The following GMPS variants were observed in gnomAD, a reference collection of about 807,000 sequenced individuals.
GMPS encodes the protein GMP synthase [glutamine-hydrolyzing].
GMPS carries 15 observed loss-of-function variants against 77.9 expected under a neutral mutation model. That is an observed-to-expected ratio of 0.19 (90% CI 0.13 to 0.30). The LOEUF (loss-of-function observed/expected upper bound fraction) is 0.30, where lower values mean the gene tolerates loss of function less well. Among genes scored for constraint, GMPS ranks in the 10% least tolerant of loss-of-function variants. The probability of loss-of-function intolerance (pLI) is 1.00; values close to 1 mark genes in which losing one functional copy is unlikely to be tolerated. For missense variants in GMPS, 590 were observed against 838.8 expected, an observed-to-expected ratio of 0.70 and a Z score of 3.66; for synonymous variants, 224 against 275.9, an observed-to-expected ratio of 0.81 and a Z score of 1.86.
chr3:155,919,931 T>C lies in GMPS; in HGVS notation c.1318+593T>C, dbSNP rs140467449. 3.6e-3 allele frequency among the ~76,000 whole-genome samples: 553 copies of C among 152,274 alleles called. 16 individuals carry two copies. Among genetic ancestry groups the C allele is most frequent in the Admixed American group, 0.029 (441 of 15,294 alleles). On this transcript the variant is annotated intron_variant, in intron 10 of 15. Transcript: ENST00000496455. ...GTTTTTGTTACTAGTTCTTGAGAGG[T>C]TGGGCAAGTCTGTACATCAGGTTCT...
At chr3:155,934,672 C>T (rs1243623723) in intron 13 of GMPS, among the ~76,000 whole-genome samples, 2 of 152,290 alleles carry the variant, frequency 1.3e-5, no homozygotes, top group East Asian at 1.9e-4. Context: ...TATCTTTGCA[C>T]ATTCTGAGAT....
rs1460798393 is a variant in GMPS at position 155,916,004 on chromosome 3, T to A, written c.1039-15T>A. On this transcript the variant is annotated splice_polypyrimidine_tract_variant and intron_variant, in intron 8 of 15. Coordinates refer to ENST00000496455, the MANE Select transcript of GMPS (RefSeq NM_003875.3). ...GTTATCTCTTACAAGGCTGTTTTAC[T>A]CCTGTTGATTATAGATTGCCAATGA... is the stretch of plus-strand genomic sequence containing the variant. 6.2e-7 allele frequency: 1 copy of A among 1,600,352 alleles called. No individual in the cohort carries two copies.
chr3:155,905,496 T>C (rs961876026), intron 4 of GMPS, among the ~76,000 whole-genome samples: 3 of 152,182 alleles, frequency 2.0e-5, no homozygotes, highest in Admixed American at 6.5e-5. Context: ...GAGGTCCACA[T>C]TGGTACTGGG....
rs576533726 is a variant in GMPS, at chr3:155,894,495, A to AT, written c.209+798dup. Among the ~76,000 whole-genome samples the AT allele has an allele frequency of 5.9e-4, 89 of 152,082 alleles. 2 individuals are homozygous for AT. The highest frequency in any genetic ancestry group is 4.8e-3 in the South Asian group (23 of 4,826). On this transcript the variant is annotated intron_variant, in intron 2 of 15. Transcript: ENST00000496455. ...TACCTAGGTCTCCCATAGTGCTGGG[A>AT]TTACCGGCGTGAGCCACCGTGCCCG...
At chr3:155,900,037 C>G (rs1007010899) in intron 3 of GMPS, among the ~76,000 whole-genome samples, 3 of 152,092 alleles carry the variant, frequency 2.0e-5, no homozygotes, top group African/African-American at 7.2e-5. Context: ...TTGGTGACTT[C>G]CAAGTTTTGG....
At chr3:155,901,645 A>T (rs1037612361) in intron 3 of GMPS, among the ~76,000 whole-genome samples, 1 of 151,682 alleles carries the variant, frequency 6.6e-6, no homozygotes, top group African/African-American at 2.4e-5. Flanking sequence ...AACCCTTGAC[A>T]TGATTAGATT....
At chr3:155,884,465 C>T (rs1330110044) in intron 1 of GMPS, among the ~76,000 whole-genome samples, 2 of 151,790 alleles carry the variant, frequency 1.3e-5, no homozygotes, top group African/African-American at 2.4e-5. Context: ...GCCAACTTTT[C>T]GTAGTTATTT....
Position 155,877,397 on chromosome 3 carries a change from T to C in GMPS, c.27+6500T>C, listed in dbSNP as rs537225455. ...ATTGAGATATAATTGACATACCATG[T>C]ACTCTGCTTAAAGTATCCAACCCCA... On this transcript the variant is annotated intron_variant, in intron 1 of 15. Transcript: ENST00000496455. Among the ~76,000 whole-genome samples the C allele has an allele frequency of 4.6e-5, 7 of 152,290 alleles. No individual in the cohort carries two copies. In the South Asian group the frequency reaches 1.4e-3, roughly 32 times the overall value.
At chr3:155,914,639 G>C in intron 8 of GMPS, 69 bp downstream of exon 8, 2 of 1,023,288 alleles carry the variant, frequency 2.0e-6, no homozygotes, top group Admixed American at 2.9e-5. Flanking sequence ...GTTTTTCCTT[G>C]TCACTATATC....
chr3:155,930,555 C>T (rs1225700909), intron 12 of GMPS, among the ~76,000 whole-genome samples: 1 of 151,854 alleles, frequency 6.6e-6, no homozygotes, highest in Non-Finnish European at 1.5e-5. Context: ...AAAGAAACTA[C>T]CATCAGAGTG....
chr3:155,890,278 A>C (rs1177703986), intron 1 of GMPS, among the ~76,000 whole-genome samples: 1 of 152,204 alleles, frequency 6.6e-6, no homozygotes, highest in Non-Finnish European at 1.5e-5. Context: ...TTTTTGAGTA[A>C]AGATTAGTTT....
intron 15 of GMPS, among the ~76,000 whole-genome samples, chr3:155,937,292 A>G (rs781142834): frequency 2.0e-5 from 3 of 152,202 alleles, no homozygotes; most frequent in Non-Finnish European, 4.4e-5. Context: ...AAATCGCTAT[A>G]TGTTCTTAAG....
At chr3:155,933,481 T>C (rs1459965892) in intron 13 of GMPS, among the ~76,000 whole-genome samples, 2 of 152,166 alleles carry the variant, frequency 1.3e-5, no homozygotes, top group Non-Finnish European at 2.9e-5. Context: ...TGTAAAGATC[T>C]TTTATGAACT....
chr3:155,910,926 A>G (rs1175125865), intron 6 of GMPS, 41 bp downstream of exon 6: 12 of 1,362,224 alleles, frequency 8.8e-6, no homozygotes, highest in Non-Finnish European at 1.2e-5. Context: ...ATTTATATCA[A>G]TAATATTGGA....
chr3:155,887,585 G>A (rs909831555), intron 1 of GMPS, among the ~76,000 whole-genome samples: 12 of 152,238 alleles, frequency 7.9e-5, no homozygotes, highest in Non-Finnish European at 1.6e-4. Flanking sequence ...TGTACTGTGT[G>A]TGTGGTCCTT....
At chr3:155,911,087 A>T (rs1451608491) in intron 6 of GMPS, 27 bp from the exon 7 acceptor site, 5 of 1,550,394 alleles carry the variant, frequency 3.2e-6, no homozygotes, top group Non-Finnish European at 4.4e-6. Flanking sequence ...TGTTTTGCTC[A>T]TTTTGATTTT....
At chr3:155,892,854 A>G (rs949296362) in intron 1 of GMPS, among the ~76,000 whole-genome samples, 2 of 151,972 alleles carry the variant, frequency 1.3e-5, no homozygotes, top group African/African-American at 2.4e-5. Flanking sequence ...CTGGTCTTGA[A>G]CTCGTGACCT....
intron 3 of GMPS, among the ~76,000 whole-genome samples, chr3:155,900,250 A>G (rs1469671757): frequency 4.6e-5 from 7 of 152,052 alleles, no homozygotes; most frequent in African/African-American, 4.8e-5. Flanking sequence ...TTTCCTTTCA[A>G]AGTTCTTTGA....
chr3:155,897,787 A>T, intron 2 of GMPS, 140 bp from the exon 3 acceptor site: 1 of 636,372 alleles, frequency 1.6e-6, no homozygotes, highest in South Asian at 2.0e-5. Context: ...CTGTGATATA[A>T]TTAGAATTTG....
Sources: allele counts gnomAD v4.1 joint callset (sites outside exome capture counted in the v4.1 genomes callset), GRCh38; gene constraint gnomAD v4.1.1; transcripts MANE v1.5; gene names NCBI Gene and HGNC (gene_info 2026-07-23, HGNC 2026-07-21).